The following ADGRL3 variants were observed in gnomAD, a reference collection of about 807,000 sequenced individuals.
The protein encoded by ADGRL3 is adhesion G protein-coupled receptor L3, also known as calcium-independent alpha-latrotoxin receptor 3.
ADGRL3 carries 62 observed loss-of-function variants against 153.5 expected under a neutral mutation model. That is an observed-to-expected ratio of 0.40 (90% confidence interval 0.33 to 0.50). ADGRL3 has a LOEUF of 0.50. Ranked by LOEUF, ADGRL3 falls within the 20% of genes least tolerant of loss-of-function variation. The pLI, the probability that ADGRL3 is intolerant of heterozygous loss-of-function variation, is 0.47. For synonymous variants in ADGRL3, 710 were observed against 672.5 expected (o/e 1.06, Z -0.86); for missense variants, 1,641 against 1,859.4 (o/e 0.88, Z 2.16).
chr4:61,543,933 A>G (rs928280685), intron 4 of ADGRL3, among the ~76,000 whole-genome samples: 4 of 152,192 alleles, frequency 2.6e-5, no homozygotes, highest in East Asian at 1.9e-4. Flanking sequence ...TTACCCATCC[A>G]GTCTCCTCAA....
chr4:61,930,175 C>CA (rs5858743), intron 13 of ADGRL3, among the ~76,000 whole-genome samples: 3,905 of 72,402 alleles, frequency 0.054, 108 homozygotes, highest in African/African-American at 0.11. Context: ...GACTCTGTCT[C>CA]AAAAAAAAAA....
chr4:61,359,284 T>A (rs769862678), intron 1 of ADGRL3, among the ~76,000 whole-genome samples: 4 of 152,188 alleles, frequency 2.6e-5, no homozygotes, highest in African/African-American at 4.8e-5. Context: ...AGCCAGATGA[T>A]CAACTTAAAA....
chr4:61,536,600 ATCTT>A (rs2152976977), intron 4 of ADGRL3, among the ~76,000 whole-genome samples: 1 of 151,868 alleles, frequency 6.6e-6, no homozygotes, highest in South Asian at 2.1e-4. Context: ...GGATAGGTAA[ATCTT>A]CTTGTTGCAT....
At chr4:61,371,581 G>T (rs1314790720) in intron 1 of ADGRL3, among the ~76,000 whole-genome samples, 1 of 151,902 alleles carries the variant, frequency 6.6e-6, no homozygotes, top group African/African-American at 2.4e-5. Context: ...TGGCTTGTAG[G>T]GTTTCTGCCA....
intron 8 of ADGRL3, among the ~76,000 whole-genome samples, chr4:61,745,808 G>C (rs1436412526): frequency 3.9e-5 from 6 of 152,052 alleles, no homozygotes; most frequent in Non-Finnish European, 8.8e-5. Context: ...CAACTCACGA[G>C]CAAAATAACC....
At chr4:61,414,579 C>T (rs1332550817) in intron 2 of ADGRL3, among the ~76,000 whole-genome samples, 1 of 151,804 alleles carries the variant, frequency 6.6e-6, no homozygotes, top group African/African-American at 2.4e-5. Context: ...TGGTATTTTG[C>T]TTACTCTGAT....
At chr4:61,712,842 C>G (rs913559639) in intron 6 of ADGRL3, among the ~76,000 whole-genome samples, 1 of 152,120 alleles carries the variant, frequency 6.6e-6, no homozygotes, top group African/African-American at 2.4e-5. Flanking sequence ...TGATATGACT[C>G]TCTCTGTATA....
At position 62,023,882 on chromosome 4, in the gene ADGRL3, A is replaced by G. The variant is rs1326349666; in HGVS notation, c.3396-4973A>G. ...TGGAACTGAGCCTGCAGTATCTCTCAGGTATGCCTGCATCTTATTTGCATG... is the reference window on the plus strand; with the variant it reads ...TGGAACTGAGCCTGCAGTATCTCTCGGGTATGCCTGCATCTTATTTGCATG... On this transcript the variant is annotated intron_variant, in intron 21 of 26. Coordinates refer to ENST00000683033, the MANE Select transcript of ADGRL3 (RefSeq NM_001387552.1). Among the ~76,000 whole-genome samples the G allele has an allele frequency of 3.3e-5, 5 of 152,140 alleles. No homozygotes were observed. In the East Asian group the frequency reaches 9.6e-4, roughly 29 times the overall value.
chr4:61,343,726 T>C (rs2095849741), intron 1 of ADGRL3, among the ~76,000 whole-genome samples: 2 of 152,164 alleles, frequency 1.3e-5, no homozygotes, highest in Admixed American at 1.3e-4. Context: ...GTGCATAATA[T>C]CTTAAAGGCT....
intron 1 of ADGRL3, among the ~76,000 whole-genome samples, chr4:61,307,055 A>G (rs2094816311): frequency 6.6e-6 from 1 of 152,158 alleles, no homozygotes; most frequent in Non-Finnish European, 1.5e-5. Context: ...CCTGTGTGTA[A>G]AAATTTCTGT....
At chr4:61,336,475 C>T (rs532527805) in intron 1 of ADGRL3, among the ~76,000 whole-genome samples, 104 of 151,088 alleles carry the variant, frequency 6.9e-4, no homozygotes, top group African/African-American at 2.5e-3. Flanking sequence ...TGAGGAGTAA[C>T]GTACTTTCTT....
intron 4 of ADGRL3, among the ~76,000 whole-genome samples, chr4:61,564,956 T>G (rs1306741994): frequency 6.6e-6 from 1 of 152,162 alleles, no homozygotes; most frequent in African/African-American, 2.4e-5. Flanking sequence ...CCTGACACCC[T>G]AAAACAATCA....
chr4:61,867,540 AAT>A (rs2098410043), intron 9 of ADGRL3, among the ~76,000 whole-genome samples: 1 of 132,120 alleles, frequency 7.6e-6, no homozygotes, highest in Non-Finnish European at 1.7e-5. Context: ...ATATATATAT[AAT>A]TGTAGGAGAG....
intron 4 of ADGRL3, among the ~76,000 whole-genome samples, chr4:61,524,640 T>C (rs1316583193): frequency 6.6e-6 from 1 of 152,076 alleles, no homozygotes; most frequent in Admixed American, 6.6e-5. Flanking sequence ...CTTAAAATCT[T>C]GTTATCACAT....
chr4:61,813,495 A>G (rs574088937), intron 8 of ADGRL3, among the ~76,000 whole-genome samples: 1 of 152,258 alleles, frequency 6.6e-6, no homozygotes, highest in African/African-American at 2.4e-5. Flanking sequence ...CTTTTGTTTT[A>G]TATGTCTTTG....
chr4:61,414,499 T>G (rs1375061681), intron 2 of ADGRL3, among the ~76,000 whole-genome samples: 1 of 152,112 alleles, frequency 6.6e-6, no homozygotes, highest in Admixed American at 6.5e-5. Context: ...TCTTCTCCTC[T>G]GGTAAATAGA....
At chr4:62,063,623 C>G (rs1270049982) in intron 25 of ADGRL3, 1 of 697,210 alleles carries the variant, frequency 1.4e-6, no homozygotes, top group Non-Finnish European at 2.6e-6. Flanking sequence ...TCAGCATGTA[C>G]AACGCACAAG....
intron 23 of ADGRL3, among the ~76,000 whole-genome samples, chr4:62,032,697 C>T (rs1581976592): frequency 6.6e-6 from 1 of 151,662 alleles, no homozygotes; most frequent in East Asian, 1.9e-4. Flanking sequence ...GTTTTAGAGA[C>T]TGCTGGGACC....
At chr4:61,459,905 A>G (rs759586855) in intron 2 of ADGRL3, among the ~76,000 whole-genome samples, 1 of 151,824 alleles carries the variant, frequency 6.6e-6, no homozygotes, top group Non-Finnish European at 1.5e-5. Context: ...GCCTATTCAG[A>G]TCTGTTGCCC....
Sources: allele counts gnomAD v4.1 joint callset (sites outside exome capture counted in the v4.1 genomes callset), GRCh38; gene constraint gnomAD v4.1.1; transcripts MANE v1.5; gene names NCBI Gene and HGNC (gene_info 2026-07-23, HGNC 2026-07-21).